The following PARD3 variants were observed in gnomAD, a reference collection of about 807,000 sequenced individuals.
PARD3 encodes par-3 family cell polarity regulator.
PARD3 carries 75 observed loss-of-function variants against 155.4 expected under a neutral mutation model. The observed-to-expected ratio is 0.48, with a 90% CI of 0.40 to 0.58. The LOEUF (loss-of-function observed/expected upper bound fraction) is 0.58. Among genes scored for constraint, PARD3 ranks in the 20% least tolerant of loss-of-function variants. The pLI, the probability that PARD3 is intolerant of heterozygous loss-of-function variation, is 0.00. For synonymous variants in PARD3, 576 were observed against 610.5 expected (o/e 0.94, Z 0.83); for missense variants, 1,642 against 1,721.7 (o/e 0.95, Z 0.82).
chr10:34,680,733 A>T (rs1009467256), intron 2 of PARD3, among the ~76,000 whole-genome samples: 7 of 151,112 alleles, frequency 4.6e-5, no homozygotes, highest in Admixed American at 6.6e-5. Flanking sequence ...CTATCGCAAG[A>T]GCAAAAAACC....
rs57615675 is a variant in PARD3, at chr10:34,389,239, T to TAAAAAAAAAAAAAA, written c.891-4999_891-4986dup. On this transcript the variant is annotated intron_variant, in intron 7 of 24. Transcript: ENST00000374788. ...GACTTCGTTTTTGAACAATGTTTCT[T>TAAAAAAAAAAAAAA]AAAAAAAAAAAAAAAAAAAAAAAAA... 1.2e-4 allele frequency among the ~76,000 whole-genome samples: 8 copies of TAAAAAAAAAAAAAA among 65,882 alleles called. 1 individual carries two copies. The highest frequency in any genetic ancestry group is 4.4e-4 in the East Asian group (1 of 2,286). The allele number at this position is 65,882 out of a possible 152,430, so 43.2% of individuals were successfully genotyped here. A position where few individuals can be genotyped will look rare whatever the true frequency, so the allele number is the denominator to read the frequency against.
chr10:34,507,503 G>A (rs921540549), intron 3 of PARD3, among the ~76,000 whole-genome samples: 2 of 135,620 alleles, frequency 1.5e-5, no homozygotes, highest in African/African-American at 5.9e-5. Context: ...TGATTTTGCC[G>A]ATCCCTGCCA....
chr10:34,298,070 T>C (rs900398693), intron 20 of PARD3, among the ~76,000 whole-genome samples: 1 of 152,234 alleles, frequency 6.6e-6, no homozygotes, highest in Non-Finnish European at 1.5e-5. Flanking sequence ...ATTTCCTCTT[T>C]GGTAAAATGT....
intron 22 of PARD3, among the ~76,000 whole-genome samples, chr10:34,169,049 C>T (rs1348545336): frequency 2.0e-5 from 3 of 152,178 alleles, no homozygotes. Context: ...TGGTGCTGAG[C>T]TTCTCTATGT....
chr10:34,611,981 C>A, intron 2 of PARD3, among the ~76,000 whole-genome samples: 1 of 147,738 alleles, frequency 6.8e-6, no homozygotes, highest in Non-Finnish European at 1.5e-5. Flanking sequence ...CACCCGCCAC[C>A]ACGCCCAGCT....
chr10:34,538,429 G>A (rs1157268329), intron 2 of PARD3, among the ~76,000 whole-genome samples: 1 of 152,220 alleles, frequency 6.6e-6, no homozygotes, highest in Non-Finnish European at 1.5e-5. Flanking sequence ...GTAGAAAGAT[G>A]TGGGTAATGA....
intron 2 of PARD3, among the ~76,000 whole-genome samples, chr10:34,620,552 G>C (rs1016839542): frequency 4.6e-5 from 7 of 152,206 alleles, no homozygotes; most frequent in African/African-American, 1.7e-4. Context: ...GAGGCTGTTT[G>C]ATGAACAAAA....
chr10:34,587,898 C>A (rs2088250914), intron 2 of PARD3, among the ~76,000 whole-genome samples: 1 of 152,204 alleles, frequency 6.6e-6, no homozygotes, highest in Non-Finnish European at 1.5e-5. Flanking sequence ...TGGGTGGAAT[C>A]ACCCGTATAC....
intron 2 of PARD3, among the ~76,000 whole-genome samples, chr10:34,562,469 C>T (rs1411236403): frequency 1.3e-5 from 2 of 151,852 alleles, no homozygotes; most frequent in East Asian, 3.9e-4. Context: ...AAACTGTCAG[C>T]TCCCATCTAC....
chr10:34,165,783 C>G (rs899788340), intron 22 of PARD3, among the ~76,000 whole-genome samples: 1 of 152,164 alleles, frequency 6.6e-6, no homozygotes, highest in Non-Finnish European at 1.5e-5. Context: ...TTTTACATCT[C>G]TTTGTTTGTT....
chr10:34,262,428 C>T (rs1470900385), intron 22 of PARD3, among the ~76,000 whole-genome samples: 1 of 152,032 alleles, frequency 6.6e-6, no homozygotes, highest in Non-Finnish European at 1.5e-5. Context: ...CCACCATGCC[C>T]GGATAATTTT....
At chr10:34,171,117 C>G (rs76035566) in intron 22 of PARD3, among the ~76,000 whole-genome samples, 2 of 152,164 alleles carry the variant, frequency 1.3e-5, no homozygotes, top group Non-Finnish European at 2.9e-5. Context: ...TATACACACA[C>G]GTTTATACAC....
intron 22 of PARD3, among the ~76,000 whole-genome samples, chr10:34,220,011 TA>T: frequency 6.6e-6 from 1 of 152,194 alleles, no homozygotes; most frequent in African/African-American, 2.4e-5. Flanking sequence ...ACTTGCAAAT[TA>T]AAAGAAACAT....
At chr10:34,113,772 G>A (rs191984632) in intron 24 of PARD3, among the ~76,000 whole-genome samples, 7 of 152,156 alleles carry the variant, frequency 4.6e-5, no homozygotes, top group Admixed American at 6.5e-5. Flanking sequence ...GACACTGGGC[G>A]AGTTCTGCTC....
chr10:34,639,857 C>CACACAA (rs777237022), intron 2 of PARD3, among the ~76,000 whole-genome samples: 2 of 150,318 alleles, frequency 1.3e-5, no homozygotes, highest in African/African-American at 4.9e-5. Flanking sequence ...CAGAGTAAGA[C>CACACAA]ACACACACAC....
In PARD3 at chr10:34,382,605, G is replaced by A. The variant is rs770733643; in HGVS notation, c.1334C>T (p.Thr445Met). The A allele has an allele frequency of 3.5e-5, 57 of 1,613,740 alleles. No individual in the cohort carries two copies. Among genetic ancestry groups the A allele is most frequent in the Admixed American group, 2.5e-4 (15 of 59,970 alleles). The change falls in exon 9 of 25, where the codon ACG becomes ATG. Residue 445 changes from threonine to methionine, a missense_variant. By Grantham distance (81) the Thr-to-Met change is moderately conservative. This residue lies in a region of PARD3 where 1,529 missense variants were observed against 1,587.3 expected (regional missense o/e 0.96). Transcript: ENST00000374788. ...GGTGTTATAACCACTGCTTACAGTC[G>A]TACTAAATACATTCTGAGGTGCCGA... is the stretch of plus-strand genomic sequence containing the variant. ...PASAPQNVFSTTVSSGYNTKK... is the reference protein window; with the variant it reads ...PASAPQNVFSMTVSSGYNTKK...
intron 2 of PARD3, among the ~76,000 whole-genome samples, chr10:34,687,533 A>T (rs1184204091): frequency 6.6e-6 from 1 of 152,202 alleles, no homozygotes; most frequent in African/African-American, 2.4e-5. Context: ...CAAACTCTTC[A>T]AACTGAGTTT....
At chr10:34,111,672 C>G in intron 24 of PARD3, 110 bp from the exon 25 acceptor site, 1 of 896,100 alleles carries the variant, frequency 1.1e-6, no homozygotes. Flanking sequence ...ACAAATATTC[C>G]TGTTCTCTCA....
intron 1 of PARD3, among the ~76,000 whole-genome samples, chr10:34,729,197 A>C (rs1463611875): frequency 6.6e-6 from 1 of 152,212 alleles, no homozygotes; most frequent in Non-Finnish European, 1.5e-5. Flanking sequence ...CTATGAATAT[A>C]AATCCTTAAA....
Sources: allele counts gnomAD v4.1 joint callset (sites outside exome capture counted in the v4.1 genomes callset), GRCh38; gene constraint gnomAD v4.1.1; regional missense constraint gnomAD v4.1.1; transcripts MANE v1.5; gene names NCBI Gene and HGNC (gene_info 2026-07-23, HGNC 2026-07-21).